Variants in TLE6 observed in about 807,000 individuals in gnomAD.
TLE6 encodes TLE family member 6, subcortical maternal complex member, also known as transducin-like enhancer protein 6.
A neutral mutation model predicts 77.1 loss-of-function variants in TLE6; 72 were observed. That is an observed-to-expected ratio of 0.93 (90% CI 0.77 to 1.14). The LOEUF (loss-of-function observed/expected upper bound fraction) is 1.14, where lower values mean the gene tolerates loss of function less well. TLE6 is among the 50% of genes most tolerant of loss of function. The probability of loss-of-function intolerance (pLI) is 0.00; values close to 1 mark genes in which losing one functional copy is unlikely to be tolerated. For missense variants in TLE6, 843 were observed against 747.6 expected, an observed-to-expected ratio of 1.13 and a Z score of -1.49; for synonymous variants, 366 against 287.3, an observed-to-expected ratio of 1.27 and a Z score of -2.77.
intron 9 of TLE6, 26 bp downstream of exon 9, chr19:2,987,816 C>A (rs374041626): frequency 1.2e-6 from 2 of 1,614,028 alleles, no homozygotes; most frequent in Non-Finnish European, 1.7e-6. Context: ...AGGGGCCGAC[C>A]GACTCCAGGC....
intron 13 of TLE6, among the ~76,000 whole-genome samples, chr19:2,991,614 A>G (rs10419284): frequency 0.39 from 56,218 of 143,258 alleles, 14,718 homozygotes; most frequent in African/African-American, 0.75. Context: ...GGGGAGGCCT[A>G]GGTGAGGCCA....
rs377451989 is a variant in TLE6, at chr19:2,989,136, C to T, written c.816C>T (p.Ala272=). 44 of 1,614,016 alleles carry T rather than the reference C, an allele frequency of 2.7e-5. No individual in the cohort carries two copies. The highest frequency in any genetic ancestry group is 1.6e-4 in the Middle Eastern group (1 of 6,082). Residue 272 remains alanine (A), a synonymous_variant, in exon 12 of 17, where the codon GCC becomes GCT. Transcript: ENST00000246112. ...DALPGQSKRL[A]VPCKLEKMRI... is the part of the protein sequence containing the mutation. ...TGCCCGGGCAGTCAAAGAGACTCGC[C>T]GTCCCGTGCAAACTGGAAAAGATGC...
chr19:2,982,013 A>G, intron 4 of TLE6, 135 bp from the exon 5 acceptor site: 2 of 840,064 alleles, frequency 2.4e-6, no homozygotes, highest in Non-Finnish European at 3.8e-6. Flanking sequence ...GTAAGAAAGT[A>G]AAAGAGAAAA....
At chr19:2,991,031 TACATAC>T (rs1368544865) in intron 13 of TLE6, among the ~76,000 whole-genome samples, 4 of 141,248 alleles carry the variant, frequency 2.8e-5, no homozygotes, top group Admixed American at 1.4e-4. Flanking sequence ...CATACATACA[TACATAC>T]ATACATATAT....
In TLE6 at chr19:2,978,477, C is replaced by G. The variant is rs182940851; in HGVS notation, c.51+193C>G. Among the ~76,000 whole-genome samples, 3 of 152,258 alleles carry G rather than the reference C, an allele frequency of 2.0e-5. No individual in the cohort carries two copies. In the East Asian group the frequency reaches 5.8e-4, roughly 29 times the overall value. ...AAAAAAATTAAGTGTAGGCTGGACA[C>G]TGTGGCTCACAACTGTAATCTCAAC... is the stretch of plus-strand genomic sequence containing the variant. On this transcript the variant is annotated intron_variant, in intron 2 of 16. Transcript: ENST00000246112.
chr19:2,983,880 C>T (rs889056143), intron 5 of TLE6: 2 of 152,654 alleles, frequency 1.3e-5, no homozygotes, highest in Non-Finnish European at 2.9e-5. Flanking sequence ...TTGGGAGGAA[C>T]TTGACCGCAG....
rs201878408 is a variant in TLE6 at position 2,994,954 on chromosome 19, G to A, written c.1669G>A (p.Val557Ile). Residue 557 changes from valine (V) to isoleucine (I), a missense_variant, in exon 17 of 17, where the codon GTT becomes ATT. Val to Ile is a conservative substitution (Grantham distance 29). Transcript: ENST00000246112. ...CCDVSSNNRL[V>I]VTGSGEHASV... ...TGACGTCTCTTCCAACAACCGCCTC[G>A]TTGTCACAGGCTCCGGGGAGCACGC... 96 of 1,609,298 alleles carry A rather than the reference G, an allele frequency of 6.0e-5. No individual in the cohort carries two copies. Among genetic ancestry groups the A allele is most frequent in the Non-Finnish European group, 6.9e-5 (81 of 1,178,286 alleles).
intron 13 of TLE6, among the ~76,000 whole-genome samples, chr19:2,990,774 G>T (rs1428270866): frequency 6.6e-6 from 1 of 151,266 alleles, no homozygotes; most frequent in Non-Finnish European, 1.5e-5. Context: ...GCCGAGGTGG[G>T]TGGATCACTT....
Position 2,989,273 on chromosome 19 carries a change from T to G in TLE6, c.953T>G (p.Val318Gly), listed in dbSNP as rs1341381288. ...AAGGTGTGGAGCCTGACTGGACAGG[T>G]GGCTGAGGACAGGTTCCCTGAGAGC... is the stretch of plus-strand genomic sequence containing the variant. ...GIKVWSLTGQ[V>G]AEDRFPESHL... The change falls in exon 12 of 17, where the codon GTG becomes GGG. Residue 318 changes from valine to glycine, a missense_variant. By Grantham distance (109) the Val-to-Gly change is moderately radical. Coordinates refer to ENST00000246112, the MANE Select transcript of TLE6 (RefSeq NM_001143986.2). 6.2e-7 allele frequency: 1 copy of G among 1,613,556 alleles called. No individual in the cohort carries two copies. The highest frequency in any genetic ancestry group is 1.6e-4 in the Middle Eastern group (1 of 6,062).
At chr19:2,991,822 C>T (rs999288497) in intron 13 of TLE6, 21 bp from the exon 14 acceptor site, 1 of 1,612,694 alleles carries the variant, frequency 6.2e-7, no homozygotes, top group Non-Finnish European at 8.5e-7. Context: ...CTGATTGCCT[C>T]CCGATGTCCC....
intron 5 of TLE6, 29 bp downstream of exon 5, chr19:2,982,218 C>A (rs1335741241): frequency 1.3e-6 from 2 of 1,550,948 alleles, no homozygotes; most frequent in Middle Eastern, 1.7e-4. Flanking sequence ...AGGGGTGCGG[C>A]TGTCCCTCCA....
At chr19:2,985,478 G>C (rs1422206860) in intron 5 of TLE6, among the ~76,000 whole-genome samples, 2 of 138,964 alleles carry the variant, frequency 1.4e-5, no homozygotes, top group Non-Finnish European at 3.1e-5. Flanking sequence ...CTCGCATCTG[G>C]GCTCACTGCA....
intron 5 of TLE6, among the ~76,000 whole-genome samples, chr19:2,985,452 A>C (rs1161130374): frequency 1.7e-5 from 2 of 118,146 alleles, no homozygotes; most frequent in Admixed American, 2.1e-4. Flanking sequence ...CCCAGGCTGG[A>C]GTGCGGTGGC....
rs754073462 is a variant in TLE6 at position 2,994,886 on chromosome 19, T to C, written c.1615-14T>C. On this transcript the variant is annotated splice_polypyrimidine_tract_variant and intron_variant, in intron 16 of 16. Coordinates refer to ENST00000246112, the MANE Select transcript of TLE6 (RefSeq NM_001143986.2). ...AGCCCTACCCCAGCTCACTGCCCACTGCCCCCCCTCCAGGTGCCTGAGATG... is the reference window on the plus strand; with the variant it reads ...AGCCCTACCCCAGCTCACTGCCCACCGCCCCCCCTCCAGGTGCCTGAGATG... The C allele has an allele frequency of 5.1e-6, 8 of 1,554,402 alleles. No homozygotes were observed. The highest frequency in any genetic ancestry group is 2.3e-5 in the South Asian group (2 of 86,480).
Position 2,995,062 on chromosome 19 carries a change from C to CCT in TLE6, c.*59_*60insTC, listed in dbSNP as rs1421258826. 16 of 1,029,388 alleles carry CCT rather than the reference C, an allele frequency of 1.6e-5. No individual in the cohort carries two copies. The highest frequency in any genetic ancestry group is 4.1e-5 in the Admixed American group (2 of 48,808). 63.8% of individuals were successfully genotyped at this position (1,029,388 alleles called of 1,614,324 possible). On this transcript the variant is annotated 3_prime_UTR_variant, in exon 17 of 17. Coordinates refer to ENST00000246112, the MANE Select transcript of TLE6 (RefSeq NM_001143986.2). The stretch of plus-strand genomic sequence containing the variant: ...CTCTTTTCATCCCCCCCCTTCCCCC[C>CCT]CCCCAACAAGGGGGACATGGTGGAG...
chr19:2,994,227 G>C, intron 16 of TLE6, 132 bp downstream of exon 16: 1 of 715,366 alleles, frequency 1.4e-6, no homozygotes, highest in Non-Finnish European at 2.3e-6. Flanking sequence ...TTTAATCCCA[G>C]CATTTTGGGA....
intron 3 of TLE6, among the ~76,000 whole-genome samples, chr19:2,980,562 C>G (rs371619468): frequency 6.7e-6 from 1 of 149,424 alleles, no homozygotes; most frequent in African/African-American, 2.5e-5. Context: ...ATGGTGAAAC[C>G]GCGTCTCTAC....
At chr19:2,978,331 C>T in intron 2 of TLE6, 47 bp downstream of exon 2, 2 of 1,545,112 alleles carry the variant, frequency 1.3e-6, no homozygotes, top group Non-Finnish European at 8.8e-7. Flanking sequence ...AAACCCGGGC[C>T]CAATGTGGTT....
intron 4 of TLE6, 115 bp downstream of exon 4, chr19:2,981,698 CTG>C (rs1480221756): frequency 2.7e-6 from 3 of 1,127,458 alleles, no homozygotes; most frequent in South Asian, 1.3e-5. Context: ...CCGCCAAGCA[CTG>C]TGCCTCACGC....
Sources: allele counts gnomAD v4.1 joint callset (sites outside exome capture counted in the v4.1 genomes callset), GRCh38; gene constraint gnomAD v4.1.1; transcripts MANE v1.5; gene names NCBI Gene and HGNC (gene_info 2026-07-23, HGNC 2026-07-21).